CSMD1: variants seen among roughly 807,000 people sequenced by gnomAD.
The protein encoded by CSMD1 is CUB and Sushi multiple domains 1, also known as CUB and sushi domain-containing protein 1.
CSMD1 carries 213 observed loss-of-function variants against 417.5 expected under a neutral mutation model. The ratio of observed to expected loss-of-function variants is 0.51; its 90% CI spans 0.46 to 0.57. The LOEUF is 0.57. CSMD1 is among the 20% of genes least tolerant of loss of function. The pLI, the probability that CSMD1 is intolerant of heterozygous loss-of-function variation, is 0.00. For missense variants in CSMD1, 6,923 were observed against 4,529.7 expected (o/e 1.53, Z -15.17); for synonymous variants, 2,862 against 1,736.8 (o/e 1.65, Z -16.11).
intron 1 of CSMD1, among the ~76,000 whole-genome samples, chr8:4,700,027 C>A (rs925956376): frequency 3.3e-5 from 5 of 152,196 alleles, no homozygotes; most frequent in African/African-American, 1.2e-4. Flanking sequence ...TCTTAGAAAG[C>A]TTCACAAAGA....
intron 5 of CSMD1, among the ~76,000 whole-genome samples, chr8:3,850,955 T>C (rs1803864623): frequency 6.6e-6 from 1 of 152,194 alleles, no homozygotes; most frequent in African/African-American, 2.4e-5. Flanking sequence ...TAACTTGTTG[T>C]TATATAAAAT....
intron 23 of CSMD1, among the ~76,000 whole-genome samples, chr8:3,326,736 T>C (rs17079988): frequency 0.016 from 2,430 of 152,326 alleles, 70 homozygotes; most frequent in African/African-American, 0.055. Flanking sequence ...TTGGAATTGC[T>C]TAGACTGCCT....
chr8:4,742,971 G>T (rs916535889), intron 1 of CSMD1, among the ~76,000 whole-genome samples: 1 of 152,104 alleles, frequency 6.6e-6, no homozygotes, highest in African/African-American at 2.4e-5. Context: ...ACAACTAAAG[G>T]AGAAACATGG....
intron 3 of CSMD1, among the ~76,000 whole-genome samples, chr8:4,176,654 G>C (rs1418836433): frequency 6.6e-6 from 1 of 151,558 alleles, no homozygotes; most frequent in African/African-American, 2.4e-5. Flanking sequence ...AAAGAGTCAA[G>C]ACCCATCAGT....
chr8:4,753,402 A>C (rs1563296476), intron 1 of CSMD1, among the ~76,000 whole-genome samples: 1 of 97,778 alleles, frequency 1.0e-5, no homozygotes, highest in African/African-American at 4.8e-5. Flanking sequence ...TCCACCATAA[A>C]CCACACACAC....
intron 35 of CSMD1, 91 bp from the exon 36 acceptor site, chr8:3,188,056 G>A: frequency 1.5e-6 from 1 of 651,520 alleles, no homozygotes; most frequent in East Asian, 3.4e-5. Flanking sequence ...CATGATTAAG[G>A]TGTATATGTA....
chr8:4,392,029 T>C lies in CSMD1; in HGVS notation c.415+27924A>G, dbSNP rs554414443. On this transcript the variant is annotated intron_variant, in intron 3 of 69. Coordinates refer to ENST00000635120, the MANE Select transcript of CSMD1 (RefSeq NM_033225.6). The stretch of plus-strand genomic sequence containing the variant: ...CTAAACTTGTGAGTGGGTAAGTGAG[T>C]CCCAGGGTTTTGGGGGCAATGCGAC... Among the ~76,000 whole-genome samples the C allele has an allele frequency of 4.6e-5, 7 of 152,224 alleles. No homozygotes were observed. The South Asian group carries it at 1.5e-3, about 32-fold the overall frequency.
At chr8:4,113,554 G>A (rs1253957718) in intron 3 of CSMD1, among the ~76,000 whole-genome samples, 1 of 151,990 alleles carries the variant, frequency 6.6e-6, no homozygotes, top group Non-Finnish European at 1.5e-5. Flanking sequence ...ACAGGCACGT[G>A]CCAGCACACC....
At chr8:4,660,863 G>C (rs935462094) in intron 1 of CSMD1, among the ~76,000 whole-genome samples, 1 of 152,010 alleles carries the variant, frequency 6.6e-6, no homozygotes, top group Non-Finnish European at 1.5e-5. Context: ...CATGTTAAAA[G>C]GTACTCAACA....
chr8:4,040,975 C>G (rs896653383), intron 3 of CSMD1, among the ~76,000 whole-genome samples: 3 of 151,160 alleles, frequency 2.0e-5, no homozygotes, highest in African/African-American at 4.9e-5. Context: ...CTAGTGAATC[C>G]TCACGTGGTC....
Position 4,025,169 on chromosome 8 carries a change from G to A in CSMD1, c.610+6736C>T, listed in dbSNP as rs917823233. 2.6e-5 allele frequency among the ~76,000 whole-genome samples: 4 copies of A among 152,232 alleles called. No individual in the cohort carries two copies. The South Asian group carries it at 6.2e-4, about 24-fold the overall frequency. Reference sequence around the variant, plus strand: ...TTCCATGGATGTGAGCTCCTGTGAAGAAATGCACCCCCTCCTGGGGGAGTG... The same window carrying A: ...TTCCATGGATGTGAGCTCCTGTGAAAAAATGCACCCCCTCCTGGGGGAGTG... On this transcript the variant is annotated intron_variant, in intron 4 of 69. Coordinates refer to ENST00000635120, the MANE Select transcript of CSMD1 (RefSeq NM_033225.6).
chr8:4,209,685 G>A (rs1800192113), intron 3 of CSMD1, among the ~76,000 whole-genome samples: 1 of 152,194 alleles, frequency 6.6e-6, no homozygotes, highest in Non-Finnish European at 1.5e-5. Context: ...TCAAGGGCAA[G>A]CCAGTGGTGT....
chr8:3,313,843 C>T (rs992102802), intron 23 of CSMD1, among the ~76,000 whole-genome samples: 16 of 152,146 alleles, frequency 1.1e-4, no homozygotes, highest in Admixed American at 2.6e-4. Context: ...CGGCACTATT[C>T]ACAATAGCAA....
At chr8:3,955,372 T>G (rs1039231086) in intron 5 of CSMD1, among the ~76,000 whole-genome samples, 4 of 152,166 alleles carry the variant, frequency 2.6e-5, no homozygotes, top group Non-Finnish European at 4.4e-5. Flanking sequence ...CTCATCTTAC[T>G]GGTTCAGAGA....
At chr8:4,051,875 C>T (rs57960221) in intron 3 of CSMD1, among the ~76,000 whole-genome samples, 90,198 of 131,164 alleles carry the variant, frequency 0.69, 30,955 homozygotes, top group South Asian at 0.74. Context: ...TTTCCTTCCT[C>T]CTTTCTTCCT....
chr8:4,743,262 G>C (rs1810739140), intron 1 of CSMD1, among the ~76,000 whole-genome samples: 1 of 152,112 alleles, frequency 6.6e-6, no homozygotes, highest in Non-Finnish European at 1.5e-5. Context: ...TGAAAAATTT[G>C]ATGAAGGACC....
chr8:3,311,490 T>C (rs992282908), intron 23 of CSMD1, among the ~76,000 whole-genome samples: 4 of 152,140 alleles, frequency 2.6e-5, no homozygotes, highest in Non-Finnish European at 4.4e-5. Context: ...CCTCAAGTGA[T>C]TTGCTTGCCT....
intron 6 of CSMD1, among the ~76,000 whole-genome samples, chr8:3,730,061 T>G (rs1465834699): frequency 6.6e-6 from 1 of 151,554 alleles, no homozygotes; most frequent in Non-Finnish European, 1.5e-5. Flanking sequence ...TCCTCTACCT[T>G]AAGGCTGTGA....
intron 37 of CSMD1, among the ~76,000 whole-genome samples, chr8:3,173,400 T>A (rs1254542896): frequency 6.6e-6 from 1 of 152,172 alleles, no homozygotes; most frequent in Admixed American, 6.6e-5. Flanking sequence ...ACAGTAGGGA[T>A]GAGAGAGACA....
Sources: gnomAD v4.1 joint callset for allele counts (sites outside exome capture counted in the v4.1 genomes callset) on GRCh38, gnomAD v4.1.1 for gene constraint, MANE v1.5 for transcripts, NCBI Gene and HGNC (gene_info 2026-07-23, HGNC 2026-07-21) for gene names.